Variants in TEKTIP1 observed in about 807,000 individuals in gnomAD.
TEKTIP1 encodes tektin bundle interacting protein 1.
At chr19:3,543,414 G>A in the TEKTIP1 span, 243 of 1,547,582 alleles carry the variant, frequency 1.6e-4, no homozygotes, top group African/African-American at 4.3e-4. Flanking sequence ...AGCCCCTTCC[G>A]CGAGGCCTAC....
At chr19:3,539,364 G>T in the TEKTIP1 span, 1 of 694,060 alleles carries the variant, frequency 1.4e-6, no homozygotes, top group Non-Finnish European at 2.5e-6. Context: ...CGTGTCACTC[G>T]TTATTCCTAA....
chr19:3,539,588 A>G, the TEKTIP1 span: 1 of 329,258 alleles, frequency 3.0e-6, no homozygotes, highest in South Asian at 7.1e-5. Context: ...TGTGGCTGAG[A>G]GAGTCTGTCC....
chr19:3,543,369 G>A, the TEKTIP1 span: 2 of 1,549,274 alleles, frequency 1.3e-6, no homozygotes, highest in Non-Finnish European at 1.7e-6. Flanking sequence ...TCGGACGCCT[G>A]GGAAGCCTGG....
chr19:3,543,973 A>G, the TEKTIP1 span: 1 of 1,549,310 alleles, frequency 6.5e-7, no homozygotes, highest in South Asian at 1.2e-5. Context: ...TCCACCTGCC[A>G]GCGGTCCCCG....
the TEKTIP1 span, among the ~76,000 whole-genome samples, chr19:3,540,285 TCTCA>T: frequency 1.4e-5 from 2 of 147,746 alleles, no homozygotes; most frequent in Non-Finnish European, 1.5e-5. Context: ...TTGGACGGAG[TCTCA>T]CTCTTGTCGC....
the TEKTIP1 span, chr19:3,543,265 C>A: frequency 1.9e-6 from 3 of 1,547,070 alleles, no homozygotes; most frequent in South Asian, 1.2e-5. Context: ...AGGGTTCCCG[C>A]TGGCCACCAG....
At chr19:3,540,149 A>C in the TEKTIP1 span, 1 of 137,662 alleles carries the variant, frequency 7.3e-6, no homozygotes, top group Non-Finnish European at 1.5e-5. Context: ...GCTAGGGTGC[A>C]GTGGCGCAAT....
chr19:3,543,842 C>T, the TEKTIP1 span: 4 of 1,535,594 alleles, frequency 2.6e-6, no homozygotes, highest in African/African-American at 1.4e-5. Context: ...TCAACAGGAA[C>T]CGGTACGGGG....
chr19:3,542,834 ACTT>A, the TEKTIP1 span: 46 of 1,375,570 alleles, frequency 3.3e-5, no homozygotes, highest in African/African-American at 5.7e-4. Flanking sequence ...GCCCCAGACC[ACTT>A]CTTCCTGGTG....
At chr19:3,543,848 C>G in the TEKTIP1 span, 2 of 1,542,494 alleles carry the variant, frequency 1.3e-6, no homozygotes, top group Non-Finnish European at 1.8e-6. Context: ...GGAACCGGTA[C>G]GGGGTGGAGC....
the TEKTIP1 span, chr19:3,539,324 G>A: frequency 4.8e-6 from 5 of 1,032,006 alleles, no homozygotes; most frequent in Non-Finnish European, 7.3e-6. Context: ...TGGGTGTCAG[G>A]TTACATGGTG....
chr19:3,543,936 G>A, the TEKTIP1 span: 1 of 1,551,182 alleles, frequency 6.4e-7, no homozygotes, highest in Admixed American at 2.0e-5. Flanking sequence ...GAACTACCGG[G>A]AGTGGGTCCT....
At chr19:3,540,429 T>G in the TEKTIP1 span, among the ~76,000 whole-genome samples, 1 of 151,778 alleles carries the variant, frequency 6.6e-6, no homozygotes, top group Non-Finnish European at 1.5e-5. Context: ...AGCTAATTTT[T>G]GTATTTTTAG....
chr19:3,543,045 A>T, the TEKTIP1 span: 2 of 1,605,188 alleles, frequency 1.2e-6, no homozygotes, highest in Non-Finnish European at 8.5e-7. Context: ...AGGGGGAGTC[A>T]GCCTCTCTCC....
the TEKTIP1 span, among the ~76,000 whole-genome samples, chr19:3,540,979 G>A: frequency 2.6e-5 from 4 of 151,566 alleles, no homozygotes; most frequent in African/African-American, 4.8e-5. Flanking sequence ...GACCAACCTG[G>A]CCAAGGTAGT....
the TEKTIP1 span, chr19:3,539,422 G>A: frequency 3.9e-4 from 230 of 591,770 alleles, 1 homozygote; most frequent in East Asian, 4.5e-3. Flanking sequence ...GTTCCCCTCC[G>A]GCCAGTGGCC....
chr19:3,539,778 T>C, the TEKTIP1 span: 1 of 155,954 alleles, frequency 6.4e-6, no homozygotes, highest in East Asian at 1.9e-4. Flanking sequence ...TAGCTGCATC[T>C]GCTAAAACCA....
the TEKTIP1 span, among the ~76,000 whole-genome samples, chr19:3,540,579 A>C: frequency 6.6e-6 from 1 of 151,722 alleles, no homozygotes; most frequent in Non-Finnish European, 1.5e-5. Flanking sequence ...TCTATAAAAA[A>C]TTTAAAAATC....
At chr19:3,543,972 C>T in the TEKTIP1 span, 3 of 1,549,564 alleles carry the variant, frequency 1.9e-6, no homozygotes, top group Non-Finnish European at 2.6e-6. Flanking sequence ...CTCCACCTGC[C>T]AGCGGTCCCC....
Sources: gnomAD v4.1 joint callset for allele counts (sites outside exome capture counted in the v4.1 genomes callset) on GRCh38, gnomAD v4.1.1 for gene constraint, MANE v1.5 for transcripts, NCBI Gene and HGNC (gene_info 2026-07-23, HGNC 2026-07-21) for gene names.